The following MAP3K3 variants were observed in gnomAD, a reference collection of about 807,000 sequenced individuals.
MAP3K3 encodes the protein MAP/ERK kinase kinase 3.
MAP3K3 carries 12 observed loss-of-function variants against 80.9 expected under a neutral mutation model. That is an observed-to-expected ratio of 0.15 (90% confidence interval 0.10 to 0.24). MAP3K3 has a LOEUF of 0.24. MAP3K3 is among the 10% of genes least tolerant of loss of function. The pLI, the probability that MAP3K3 is intolerant of heterozygous loss-of-function variation, is 1.00. For missense variants in MAP3K3, 596 were observed against 834.7 expected (o/e 0.71, Z 3.52); for synonymous variants, 272 against 307.1 (o/e 0.89, Z 1.19).
intron 6 of MAP3K3, among the ~76,000 whole-genome samples, chr17:63,678,889 G>A (rs1014878887): frequency 1.3e-5 from 2 of 152,070 alleles, no homozygotes; most frequent in African/African-American, 4.8e-5. Flanking sequence ...AATTAGCTGG[G>A]TATGGTGACG....
intron 6 of MAP3K3, 67 bp from the exon 7 acceptor site, chr17:63,681,699 C>T (rs757435080): frequency 2.2e-5 from 29 of 1,334,516 alleles, no homozygotes; most frequent in Non-Finnish European, 2.7e-5. Flanking sequence ...TAGTTGGCCC[C>T]ATGCCTGCTC....
chr17:63,624,686 G>T (rs2034065672), intron 1 of MAP3K3, among the ~76,000 whole-genome samples: 1 of 152,214 alleles, frequency 6.6e-6, no homozygotes, highest in Non-Finnish European at 1.5e-5. Context: ...GAACATGCAA[G>T]AGGAATTAAC....
intron 6 of MAP3K3, among the ~76,000 whole-genome samples, chr17:63,669,963 T>C (rs924916345): frequency 6.6e-6 from 1 of 151,194 alleles, no homozygotes; most frequent in Non-Finnish European, 1.5e-5. Context: ...ATTAGCCAAG[T>C]GTGGTGGTGC....
chr17:63,692,517 A>T lies in MAP3K3; in HGVS notation c.1652+98A>T. ...GGGACTTTGTGGTGTGGCAGGAGGG[A>T]GTGTGCCCAGGGCCCAGGCTGCAGT... On this transcript the variant is annotated intron_variant, in intron 15 of 15. Coordinates refer to ENST00000361733, the MANE Select transcript of MAP3K3 (RefSeq NM_002401.5). This position sits in a 1 kb window ranked among gnomAD's most constrained non-coding sequence, Gnocchi z 4.5. The T allele has an allele frequency of 7.7e-7, 1 of 1,301,810 alleles. No individual in the cohort carries two copies. The highest frequency in any genetic ancestry group is 1.5e-5 in the African/African-American group (1 of 67,094). The allele number at this position is 1,301,810 out of a possible 1,614,324, so 80.6% of individuals were successfully genotyped here.
At position 63,689,186 on chromosome 17, in the gene MAP3K3, G is replaced by T. The variant is rs1362917316; in HGVS notation, c.871+305G>T. 5.4e-6 allele frequency: 3 copies of T among 550,764 alleles called. No individual in the cohort carries two copies. Among genetic ancestry groups the T allele is most frequent in the East Asian group, 3.1e-5 (1 of 31,870 alleles). 34.1% of individuals were successfully genotyped at this position (550,764 alleles called of 1,614,324 possible). A position where few individuals can be genotyped will look rare whatever the true frequency, so the allele number is the denominator to read the frequency against. On this transcript the variant is annotated intron_variant, in intron 10 of 15. Coordinates refer to ENST00000361733, the MANE Select transcript of MAP3K3 (RefSeq NM_002401.5). The surrounding 1 kb of genome is among the most constrained non-coding windows in gnomAD (Gnocchi z 4.3). ...CAGGTGGCCTGGGCCCTGTAGAGGG[G>T]TAAGGAGTAGGATACAAGGAAATCA... is the stretch of plus-strand genomic sequence containing the variant.
intron 2 of MAP3K3, among the ~76,000 whole-genome samples, chr17:63,633,826 C>A (rs2034265573): frequency 6.6e-6 from 1 of 152,154 alleles, no homozygotes; most frequent in African/African-American, 2.4e-5. Flanking sequence ...ATGACATTCT[C>A]CCTTTTGGTT....
intron 3 of MAP3K3, among the ~76,000 whole-genome samples, chr17:63,651,757 A>G (rs1014939955): frequency 2.6e-5 from 4 of 152,210 alleles, no homozygotes; most frequent in African/African-American, 7.2e-5. Flanking sequence ...AAAATCTTCA[A>G]TGTCAATACT....
intron 6 of MAP3K3, among the ~76,000 whole-genome samples, chr17:63,673,214 T>C (rs1397151924): frequency 6.6e-6 from 1 of 152,186 alleles, no homozygotes; most frequent in Non-Finnish European, 1.5e-5. Flanking sequence ...ACCCACTGAT[T>C]CTAGTGCTGC....
chr17:63,641,262 A>T (rs1320774092), intron 2 of MAP3K3, among the ~76,000 whole-genome samples: 1 of 147,314 alleles, frequency 6.8e-6, no homozygotes, highest in Non-Finnish European at 1.5e-5. Context: ...TTTTTTCCTG[A>T]GATGGAGTCT....
chr17:63,682,863 C>T (rs367593101), intron 7 of MAP3K3: 3 of 152,242 alleles, frequency 2.0e-5, no homozygotes, highest in African/African-American at 7.2e-5. Flanking sequence ...TCTACTTGCA[C>T]TAAAGGGAAA....
At chr17:63,660,248 T>C (rs979939755) in intron 5 of MAP3K3, among the ~76,000 whole-genome samples, 1 of 152,120 alleles carries the variant, frequency 6.6e-6, no homozygotes, top group Non-Finnish European at 1.5e-5. Context: ...TCACCCAAGC[T>C]GGAGTGCAGT....
In MAP3K3 at chr17:63,634,889, G is replaced by A. The variant is rs1168195017; in HGVS notation, c.126+2087G>A. ...ACAGCAGAATTCACTTCCCAGACAA[G>A]TTGTTTTAGTGGATTTGTAAAAAGC... is the stretch of plus-strand genomic sequence containing the variant. On this transcript the variant is annotated intron_variant, in intron 2 of 15. Coordinates refer to ENST00000361733, the MANE Select transcript of MAP3K3 (RefSeq NM_002401.5). 6.0e-6 allele frequency: 7 copies of A among 1,164,044 alleles called. No homozygotes were observed. The East Asian group carries it at 1.6e-4, about 27-fold the overall frequency. The allele number at this position is 1,164,044 out of a possible 1,614,324, so 72.1% of individuals were successfully genotyped here. A position where few individuals can be genotyped will look rare whatever the true frequency, so the allele number is the denominator to read the frequency against.
At chr17:63,638,980 C>G (rs1176249279) in intron 2 of MAP3K3, among the ~76,000 whole-genome samples, 2 of 151,918 alleles carry the variant, frequency 1.3e-5, no homozygotes, top group Non-Finnish European at 2.9e-5. Flanking sequence ...GAGCCGAGAT[C>G]ACTGCACTCC....
chr17:63,641,549 T>TA (rs1278623648), intron 2 of MAP3K3, among the ~76,000 whole-genome samples: 6 of 151,902 alleles, frequency 3.9e-5, no homozygotes, highest in Non-Finnish European at 8.8e-5. Context: ...TGCAGTTAGG[T>TA]TTAATGGCAA....
In MAP3K3 at chr17:63,667,031, C is replaced by G. The variant is rs1022609171; in HGVS notation, c.473C>G (p.Pro158Arg). The G allele has an allele frequency of 6.2e-7, 1 of 1,611,262 alleles. No individual in the cohort carries two copies. Among genetic ancestry groups the G allele is most frequent in the East Asian group, 2.2e-5 (1 of 44,642 alleles). ...GATATAAATACTATCTACCAGCCCCCCGAGCCCAGAAGCAGGCACCTCTCT... is the reference window on the plus strand; with the variant it reads ...GATATAAATACTATCTACCAGCCCCGCGAGCCCAGAAGCAGGCACCTCTCT... ...AGDINTIYQP[P>R]EPRSRHLSVS... Residue 158 changes from proline (P) to arginine (R), a missense_variant, in exon 6 of 16, where the codon CCC (proline) becomes CGC (arginine). Pro to Arg is a moderately radical substitution (Grantham distance 103). Transcript: ENST00000361733.
chr17:63,653,182 G>A (rs769737288), intron 4 of MAP3K3, among the ~76,000 whole-genome samples: 27 of 152,082 alleles, frequency 1.8e-4, no homozygotes, highest in Non-Finnish European at 2.9e-5. Context: ...CCACCCCAAC[G>A]GTCCTTATTT....
intron 3 of MAP3K3, among the ~76,000 whole-genome samples, chr17:63,650,078 C>T (rs1414200148): frequency 6.6e-6 from 1 of 152,198 alleles, no homozygotes; most frequent in Admixed American, 6.5e-5. Context: ...CTGATTTTAT[C>T]CTGCTTAGGT....
At chr17:63,631,746 A>G (rs982718006) in intron 1 of MAP3K3, among the ~76,000 whole-genome samples, 5 of 152,194 alleles carry the variant, frequency 3.3e-5, no homozygotes, top group African/African-American at 1.2e-4. Flanking sequence ...AGTAAGGTGG[A>G]GACAATGCAT....
chr17:63,638,496 C>A (rs1468084282), intron 2 of MAP3K3, among the ~76,000 whole-genome samples: 1 of 152,152 alleles, frequency 6.6e-6, no homozygotes, highest in Non-Finnish European at 1.5e-5. Context: ...TTGAGAAGGT[C>A]ATTTCTGCTT....
Sources: allele counts gnomAD v4.1 joint callset (sites outside exome capture counted in the v4.1 genomes callset), GRCh38; gene constraint gnomAD v4.1.1; non-coding constraint Gnocchi (gnomAD v3.1); transcripts MANE v1.5; gene names NCBI Gene and HGNC (gene_info 2026-07-23, HGNC 2026-07-21).